TNS1: variants seen among roughly 807,000 people sequenced by gnomAD.
The protein encoded by TNS1 is tensin-1.
A neutral mutation model predicts 168.6 loss-of-function variants in TNS1; 62 were observed. The observed-to-expected ratio is 0.37, with a 90% confidence interval of 0.30 to 0.45. The LOEUF (loss-of-function observed/expected upper bound fraction) is 0.45. Among genes scored for constraint, TNS1 ranks in the 20% least tolerant of loss-of-function variants. The pLI is 1.00. For missense variants in TNS1, 2,240 were observed against 2,339.4 expected (o/e 0.96, Z 0.88); for synonymous variants, 934 against 933.2 (o/e 1.00, Z -0.02).
At chr2:217,805,521 C>T (rs1292495652) in intron 32 of TNS1, among the ~76,000 whole-genome samples, 4 of 9,778 alleles carry the variant, frequency 4.1e-4, no homozygotes, top group East Asian at 1.9e-3. Flanking sequence ...ACACACCACA[C>T]ACACCACACA....
In TNS1 at chr2:217,848,070, G is replaced by A. The variant is rs1390633164; in HGVS notation, c.2447C>T (p.Pro816Leu). The change falls in exon 19 of 33, where the codon CCC (proline) becomes CTC (leucine). Residue 816 changes from proline (P) to leucine (L), a missense_variant. This residue lies in a region of TNS1 where 2,131 missense variants were observed against 2,171.2 expected (regional missense o/e 0.98). Transcript: ENST00000682258. ...TGCTCGCGGGAACTCAGGGAGACTGGGGATGGGGGTCTCTGCCAATGGCTG... is the reference window on the plus strand; with the variant it reads ...TGCTCGCGGGAACTCAGGGAGACTGAGGATGGGGGTCTCTGCCAATGGCTG... ...SPQPLAETPI[P>L]SLPEFPRAAS... 1 of 1,542,924 alleles carries A rather than the reference G, an allele frequency of 6.5e-7. No individual in the cohort carries two copies. The highest frequency in any genetic ancestry group is 2.3e-5 in the East Asian group (1 of 44,236).
intron 18 of TNS1, among the ~76,000 whole-genome samples, chr2:217,855,867 C>T (rs1246995599): frequency 1.3e-5 from 2 of 152,068 alleles, no homozygotes; most frequent in East Asian, 1.9e-4. Flanking sequence ...TCAGTGCAGC[C>T]GAAACATGAA....
At chr2:217,999,153 C>G (rs1055965935) in intron 1 of TNS1, among the ~76,000 whole-genome samples, 1 of 152,188 alleles carries the variant, frequency 6.6e-6, no homozygotes, top group Non-Finnish European at 1.5e-5. Context: ...GCTTGATTCC[C>G]ACGGACCCCA....
intron 32 of TNS1, among the ~76,000 whole-genome samples, chr2:217,807,061 C>T (rs903627029): frequency 5.3e-5 from 8 of 152,262 alleles, no homozygotes; most frequent in Non-Finnish European, 1.0e-4. Context: ...AACTCTCTTG[C>T]TGCCTCTCCC....
intron 3 of TNS1, among the ~76,000 whole-genome samples, chr2:217,949,591 C>T (rs1195375190): frequency 6.6e-6 from 1 of 152,140 alleles, no homozygotes; most frequent in Non-Finnish European, 1.5e-5. Context: ...AGATTCCTAG[C>T]CAGCAAGCAA....
rs1238344081 is a variant in TNS1 at position 217,802,809 on chromosome 2, T to C, written c.*1650A>G. ...TTTTTAACCTTTTCTTACATTTTATTAGCTTACAGATTCTGTCAGTATGTC... is the reference window on the plus strand; with the variant it reads ...TTTTTAACCTTTTCTTACATTTTATCAGCTTACAGATTCTGTCAGTATGTC... On this transcript the variant is annotated 3_prime_UTR_variant, in exon 33 of 33. Transcript: ENST00000682258. The C allele has an allele frequency of 6.5e-6, 1 of 152,696 alleles. No individual in the cohort carries two copies. The highest frequency in any genetic ancestry group is 1.5e-5 in the Non-Finnish European group (1 of 68,056). The allele number at this position is 152,696 out of a possible 1,614,324, so 9.5% of individuals were successfully genotyped here. A position where few individuals can be genotyped will look rare whatever the true frequency, so the allele number is the denominator to read the frequency against.
chr2:217,884,312 CGGAT>C (rs949300533), intron 16 of TNS1, among the ~76,000 whole-genome samples: 2 of 150,522 alleles, frequency 1.3e-5, no homozygotes, highest in Admixed American at 6.6e-5. Flanking sequence ...GATGGACAGA[CGGAT>C]GGATGAATGG....
At chr2:218,010,327 G>A in exon 1 of TNS1, 1 of 396,124 alleles carries the variant, frequency 2.5e-6, no homozygotes, top group Non-Finnish European at 4.5e-6. Flanking sequence ...CGGGTCTCCC[G>A]GAGGCTCAGC....
At chr2:217,953,163 G>A (rs914726630) in intron 3 of TNS1, among the ~76,000 whole-genome samples, 6 of 152,132 alleles carry the variant, frequency 3.9e-5, no homozygotes, top group African/African-American at 1.4e-4. Context: ...GGGCAGTGAG[G>A]GATCTGCAGG....
At chr2:217,913,150 G>A (rs1161990918) in intron 4 of TNS1, among the ~76,000 whole-genome samples, 1 of 152,194 alleles carries the variant, frequency 6.6e-6, no homozygotes, top group Non-Finnish European at 1.5e-5. Flanking sequence ...TGGCAGTGGA[G>A]CCTGGGACCC....
At chr2:217,905,256 C>T in intron 6 of TNS1, 1 of 314,594 alleles carries the variant, frequency 3.2e-6, no homozygotes, top group South Asian at 2.5e-5. Flanking sequence ...GGGCCCCTCC[C>T]CAGTATGAGT....
intron 2 of TNS1, among the ~76,000 whole-genome samples, chr2:217,982,070 A>C (rs1958064932): frequency 6.6e-6 from 1 of 152,220 alleles, no homozygotes; most frequent in Non-Finnish European, 1.5e-5. Context: ...CTTTGACTTC[A>C]GCCTTGGTCT....
intron 16 of TNS1, among the ~76,000 whole-genome samples, chr2:217,884,095 C>G (rs1471201082): frequency 7.5e-6 from 1 of 133,028 alleles, no homozygotes; most frequent in Admixed American, 8.6e-5. Context: ...CTAGCACATG[C>G]CCGACACATA....
intron 7 of TNS1, among the ~76,000 whole-genome samples, chr2:217,899,375 C>T (rs1318409945): frequency 6.6e-6 from 1 of 152,186 alleles, no homozygotes; most frequent in African/African-American, 2.4e-5. Context: ...AGCCAACTGC[C>T]TACCCAAGGA....
chr2:217,962,999 G>C (rs759444319), intron 3 of TNS1, among the ~76,000 whole-genome samples: 2 of 152,182 alleles, frequency 1.3e-5, no homozygotes, highest in Non-Finnish European at 2.9e-5. Context: ...TTGGGTGAAG[G>C]ATATAAGGAA....
intron 2 of TNS1, among the ~76,000 whole-genome samples, chr2:217,980,289 C>G (rs955464411): frequency 5.3e-5 from 8 of 152,110 alleles, no homozygotes; most frequent in Non-Finnish European, 1.0e-4. Flanking sequence ...GCCACACAAG[C>G]GTTACCCATC....
intron 1 of TNS1, among the ~76,000 whole-genome samples, chr2:218,031,040 G>C (rs1958888406): frequency 6.6e-6 from 1 of 151,646 alleles, no homozygotes; most frequent in Admixed American, 6.6e-5. Flanking sequence ...GTGTATGTGA[G>C]TGAGCATGTG....
rs1958594112 is a variant in TNS1, at chr2:218,002,956, G to C, written c.-84C>G. ...GAGTCCCCGCGGCGCTGGCAGAAGG[G>C]CTCTCTGAGTCCGCGGCTGCTCCGG... is the stretch of plus-strand genomic sequence containing the variant. On this transcript the variant is annotated 5_prime_UTR_variant, in exon 1 of 33. Transcript: ENST00000682258. 1 of 455,760 alleles carries C rather than the reference G, an allele frequency of 2.2e-6. No individual in the cohort carries two copies. The highest frequency in any genetic ancestry group is 4.4e-6 in the Non-Finnish European group (1 of 226,808). The allele number at this position is 455,760 out of a possible 1,614,324, so 28.2% of individuals were successfully genotyped here.
chr2:217,868,736 G>A (rs138393394), intron 18 of TNS1, among the ~76,000 whole-genome samples: 1,650 of 152,340 alleles, frequency 0.011, 52 homozygotes, highest in East Asian at 0.066. Flanking sequence ...AAAGGCAAGA[G>A]GCAAAGCTAG....
Sources: gnomAD v4.1 joint callset for allele counts (sites outside exome capture counted in the v4.1 genomes callset) on GRCh38, gnomAD v4.1.1 for gene constraint, gnomAD v4.1.1 regional missense constraint, MANE v1.5 for transcripts, NCBI Gene and HGNC (gene_info 2026-07-23, HGNC 2026-07-21) for gene names.